The following AP1S3 variants were observed in gnomAD, a reference collection of about 807,000 sequenced individuals.
AP1S3 encodes the protein AP-1 complex subunit sigma-3.
In AP1S3, 10 loss-of-function variants were observed where a neutral mutation model predicts 20.9. The observed-to-expected ratio is 0.48, with a 90% CI of 0.29 to 0.81. The LOEUF (loss-of-function observed/expected upper bound fraction) is 0.81, where lower values mean the gene tolerates loss of function less well. AP1S3 is among the 30% of genes least tolerant of loss of function. AP1S3 has a pLI of 0.08. For synonymous variants in AP1S3, 41 were observed against 61.5 expected (o/e 0.67, Z 1.56); for missense variants, 154 against 183.8 (o/e 0.84, Z 0.94).
intron 1 of AP1S3, among the ~76,000 whole-genome samples, chr2:223,815,543 T>C (rs1329072519): frequency 6.6e-6 from 1 of 152,188 alleles, no homozygotes; most frequent in Non-Finnish European, 1.5e-5. Context: ...AATGAATGCA[T>C]GCATAGATTT....
chr2:223,812,021 T>C (rs566612671), intron 1 of AP1S3, among the ~76,000 whole-genome samples: 1 of 152,344 alleles, frequency 6.6e-6, no homozygotes, highest in South Asian at 2.1e-4. Flanking sequence ...TATGCCTTTA[T>C]CCACAAGGCA....
chr2:223,790,976 T>C (rs74858080), intron 1 of AP1S3, among the ~76,000 whole-genome samples: 1 of 152,082 alleles, frequency 6.6e-6, no homozygotes, highest in East Asian at 1.9e-4. Flanking sequence ...AAGAAAGAAA[T>C]TGGATCCCTG....
At chr2:223,782,481 T>C (rs568216300) in intron 1 of AP1S3, among the ~76,000 whole-genome samples, 4 of 152,096 alleles carry the variant, frequency 2.6e-5, no homozygotes, top group African/African-American at 9.7e-5. Flanking sequence ...TAGATCAACG[T>C]TGGAAGTTTT....
chr2:223,773,308 C>T (rs759769088), intron 3 of AP1S3: 1 of 1,303,946 alleles, frequency 7.7e-7, no homozygotes, highest in Non-Finnish European at 1.0e-6. Context: ...CGGGAATGCC[C>T]AGACCTCAAG....
chr2:223,770,531 C>CACACACACACACACACA (rs3220046), intron 3 of AP1S3, among the ~76,000 whole-genome samples: 1 of 147,266 alleles, frequency 6.8e-6, no homozygotes, highest in Non-Finnish European at 1.5e-5. Flanking sequence ...CACACACACA[C>CACACACACACACACACA]CCCTTGATAT....
At chr2:223,823,868 T>C (rs1019972539) in intron 1 of AP1S3, among the ~76,000 whole-genome samples, 3 of 152,190 alleles carry the variant, frequency 2.0e-5, no homozygotes, top group Non-Finnish European at 4.4e-5. Context: ...ATTTATACAA[T>C]TTTTATGTGT....
intron 2 of AP1S3, chr2:223,776,283 C>A: frequency 2.1e-6 from 1 of 468,936 alleles, no homozygotes. Flanking sequence ...AGTATCCTTT[C>A]GCTCTTGGTA....
chr2:223,756,830 A>C lies in AP1S3; in HGVS notation c.*1885T>G. On this transcript the variant is annotated 3_prime_UTR_variant, in exon 5 of 5. Coordinates refer to ENST00000396654, the MANE Select transcript of AP1S3 (RefSeq NM_001039569.2). Reference sequence around the variant, plus strand: ...AAAATCTACCAGATGGGATCTCCTAAAGAATCCAACAGGAAACACACTCTT... The same window carrying C: ...AAAATCTACCAGATGGGATCTCCTACAGAATCCAACAGGAAACACACTCTT... 1 of 985,392 alleles carries C rather than the reference A, an allele frequency of 1.0e-6. No homozygotes were observed. Among genetic ancestry groups the C allele is most frequent in the Non-Finnish European group, 1.2e-6 (1 of 829,938 alleles). The allele number at this position is 985,392 out of a possible 1,614,324, so 61.0% of individuals were successfully genotyped here. A position where few individuals can be genotyped will look rare whatever the true frequency, so the allele number is the denominator to read the frequency against.
chr2:223,758,496 A>G lies in AP1S3; in HGVS notation c.*219T>C, dbSNP rs1284332451. On this transcript the variant is annotated 3_prime_UTR_variant, in exon 5 of 5. Transcript: ENST00000396654. ...ACTTTAAACATTTAGAGCTACAAGT[A>G]CCTATACAGTATAACACAGACACAT... 2 of 1,222,526 alleles carry G rather than the reference A, an allele frequency of 1.6e-6. No individual in the cohort carries two copies. The highest frequency in any genetic ancestry group is 6.7e-5 in the East Asian group (2 of 29,914). The allele number at this position is 1,222,526 out of a possible 1,614,324, so 75.7% of individuals were successfully genotyped here. A position where few individuals can be genotyped will look rare whatever the true frequency, so the allele number is the denominator to read the frequency against.
rs1559149470 is a variant in AP1S3, at chr2:223,832,091, C to CCA, written c.3+5356_3+5357insTG. Among the ~76,000 whole-genome samples, 8 of 128,344 alleles carry CCA rather than the reference C, an allele frequency of 6.2e-5. No individual in the cohort carries two copies. In the East Asian group the frequency reaches 9.5e-4, roughly 15 times the overall value. The allele number at this position is 128,344 out of a possible 152,430, so 84.2% of individuals were successfully genotyped here. ...GACTCCGTCTCAAAAAAAAAAAAAT[C>CCA]AAAAAAAGGACTTATTCTGGGGATT... On this transcript the variant is annotated intron_variant, in intron 1 of 4. Coordinates refer to ENST00000396654, the MANE Select transcript of AP1S3 (RefSeq NM_001039569.2).
intron 3 of AP1S3, among the ~76,000 whole-genome samples, chr2:223,772,467 A>C (rs1012875475): frequency 2.0e-5 from 3 of 152,218 alleles, no homozygotes; most frequent in African/African-American, 7.2e-5. Context: ...CTGAGGCACC[A>C]GTAAAAATTC....
rs535730956 is a variant in AP1S3, at chr2:223,765,059, T to A, written c.429+154A>T. ...AATACCACCTACTTTTTCGAGTTGTTGTGAGGATTAAATAAGCTAATACAT... is the reference window on the plus strand; with the variant it reads ...AATACCACCTACTTTTTCGAGTTGTAGTGAGGATTAAATAAGCTAATACAT... On this transcript the variant is annotated intron_variant, in intron 4 of 4. Transcript: ENST00000396654. The A allele has an allele frequency of 2.8e-5, 31 of 1,108,218 alleles. No individual in the cohort carries two copies. In the South Asian group the frequency reaches 7.2e-4, roughly 26 times the overall value. The allele number at this position is 1,108,218 out of a possible 1,614,324, so 68.6% of individuals were successfully genotyped here.
intron 1 of AP1S3, among the ~76,000 whole-genome samples, chr2:223,780,437 C>T (rs3113592): frequency 0.079 from 11,361 of 144,028 alleles, 570 homozygotes; most frequent in African/African-American, 0.13. Flanking sequence ...CCAGACTGGT[C>T]TCAAACTCAA....
At chr2:223,809,737 T>A (rs868232928) in intron 1 of AP1S3, among the ~76,000 whole-genome samples, 3,089 of 151,612 alleles carry the variant, frequency 0.02, 116 homozygotes, top group African/African-American at 0.07. Flanking sequence ...TATTTATTTT[T>A]TTTTTTTTTG....
At chr2:223,802,940 G>A (rs757427277) in intron 1 of AP1S3, among the ~76,000 whole-genome samples, 8 of 152,194 alleles carry the variant, frequency 5.3e-5, no homozygotes, top group Non-Finnish European at 8.8e-5. Flanking sequence ...ACCAAAGTAA[G>A]ATTGTTTTTC....
At chr2:223,789,642 C>T (rs991643590) in intron 1 of AP1S3, among the ~76,000 whole-genome samples, 4 of 149,870 alleles carry the variant, frequency 2.7e-5, no homozygotes, top group African/African-American at 9.9e-5. Context: ...GAGTTCAAGG[C>T]CAGCCTGGGT....
chr2:223,760,856 T>G (rs1240705679), intron 4 of AP1S3, among the ~76,000 whole-genome samples: 2 of 152,228 alleles, frequency 1.3e-5, no homozygotes, highest in Non-Finnish European at 2.9e-5. Flanking sequence ...ACGTACTTTT[T>G]GCAGTTAAAA....
At chr2:223,832,108 C>A (rs1692277449) in intron 1 of AP1S3, among the ~76,000 whole-genome samples, 1 of 142,628 alleles carries the variant, frequency 7.0e-6, no homozygotes, top group East Asian at 2.1e-4. Flanking sequence ...AGGACTTATT[C>A]TGGGGATTAT....
chr2:223,791,956 T>C (rs2106103825), intron 1 of AP1S3, among the ~76,000 whole-genome samples: 1 of 151,668 alleles, frequency 6.6e-6, no homozygotes, highest in South Asian at 2.1e-4. Context: ...ATAAAATACC[T>C]AGGAATACAG....
Sources: allele counts gnomAD v4.1 joint callset (sites outside exome capture counted in the v4.1 genomes callset), GRCh38; gene constraint gnomAD v4.1.1; transcripts MANE v1.5; gene names NCBI Gene and HGNC (gene_info 2026-07-23, HGNC 2026-07-21).